PHF24: variants seen among roughly 807,000 people sequenced by gnomAD.
PHF24 encodes the protein Galpha inhibitory interacting protein.
In PHF24, 25 loss-of-function variants were observed where a neutral mutation model predicts 42.6. That is an observed-to-expected ratio of 0.59 (90% CI 0.43 to 0.82). The LOEUF (loss-of-function observed/expected upper bound fraction) is 0.82. Among genes scored for constraint, PHF24 ranks in the 40% least tolerant of loss-of-function variants. The pLI is 0.00. For missense variants in PHF24, 470 were observed against 538.1 expected (o/e 0.87, Z 1.25); for synonymous variants, 185 against 204.8 (o/e 0.90, Z 0.83).
chr9:34,912,666 C>T, the PHF24 span, among the ~76,000 whole-genome samples: 1 of 152,232 alleles, frequency 6.6e-6, no homozygotes, highest in Non-Finnish European at 1.5e-5. Context: ...TTTGGAACTA[C>T]TGCCCACAGA....
At chr9:34,832,825 C>A in the PHF24 span, 18 of 1,551,616 alleles carry the variant, frequency 1.2e-5, no homozygotes, top group African/African-American at 8.2e-5. Context: ...GCACCACAGT[C>A]TGGGTATTCT....
At chr9:34,795,963 C>T in the PHF24 span, among the ~76,000 whole-genome samples, 2 of 151,562 alleles carry the variant, frequency 1.3e-5, no homozygotes, top group African/African-American at 2.4e-5. Flanking sequence ...AATCATGTCA[C>T]TGCATTCCAG....
the PHF24 span, among the ~76,000 whole-genome samples, chr9:34,932,071 A>T: frequency 6.6e-6 from 1 of 152,172 alleles, no homozygotes; most frequent in Non-Finnish European, 1.5e-5. Flanking sequence ...CAACAGTGAG[A>T]ACCTGGGGCT....
chr9:34,752,018 C>T, the PHF24 span, among the ~76,000 whole-genome samples: 2 of 151,750 alleles, frequency 1.3e-5, no homozygotes, highest in Admixed American at 1.3e-4. Flanking sequence ...AATGGAAACA[C>T]AACATACCAA....
the PHF24 span, among the ~76,000 whole-genome samples, chr9:34,705,496 G>T: frequency 6.6e-6 from 1 of 152,110 alleles, no homozygotes; most frequent in African/African-American, 2.4e-5. Context: ...GTGTTGCCCA[G>T]GTTGGTCTCA....
intron 1 of PHF24, among the ~76,000 whole-genome samples, chr9:34,968,598 G>T (rs1336288350): frequency 1.3e-5 from 2 of 152,200 alleles, no homozygotes; most frequent in Admixed American, 6.5e-5. Context: ...TAGTGGCAAG[G>T]CAAGCACGTG....
At chr9:34,703,689 T>C in the PHF24 span, among the ~76,000 whole-genome samples, 1 of 140,700 alleles carries the variant, frequency 7.1e-6, no homozygotes, top group Non-Finnish European at 1.7e-5. Context: ...ATTCTTTTAT[T>C]CCTCTACTTT....
the PHF24 span, among the ~76,000 whole-genome samples, chr9:34,901,813 T>C: frequency 4.6e-5 from 7 of 152,352 alleles, no homozygotes; most frequent in African/African-American, 1.7e-4. Flanking sequence ...CTAGGTTTAG[T>C]AATGGTAGCT....
chr9:34,973,292 G>A (rs1280511540), intron 3 of PHF24, among the ~76,000 whole-genome samples: 1 of 152,146 alleles, frequency 6.6e-6, no homozygotes, highest in Non-Finnish European at 1.5e-5. Flanking sequence ...TTCTATCACA[G>A]GAAAACTTCC....
At chr9:34,888,596 A>G in the PHF24 span, among the ~76,000 whole-genome samples, 1 of 152,216 alleles carries the variant, frequency 6.6e-6, no homozygotes, top group Non-Finnish European at 1.5e-5. Context: ...AGATTCTATC[A>G]TCTGGTTTTG....
the PHF24 span, among the ~76,000 whole-genome samples, chr9:34,700,043 A>G: frequency 2.0e-5 from 3 of 152,188 alleles, no homozygotes; most frequent in African/African-American, 7.2e-5. Context: ...ATCCATGCAG[A>G]GGTCTGTGGG....
chr9:34,835,269 A>T, the PHF24 span: 1 of 1,539,784 alleles, frequency 6.5e-7, no homozygotes, highest in Non-Finnish European at 8.7e-7. Context: ...GAGACCTGAG[A>T]AGTATTATTC....
chr9:34,863,108 A>G, the PHF24 span, among the ~76,000 whole-genome samples: 1 of 151,980 alleles, frequency 6.6e-6, no homozygotes, highest in Non-Finnish European at 1.5e-5. Context: ...CAGCCACAGT[A>G]GAATAGAGCA....
chr9:34,875,976 TCTCTCTCTCTCA>T, the PHF24 span, among the ~76,000 whole-genome samples: 2 of 120,198 alleles, frequency 1.7e-5, no homozygotes, highest in African/African-American at 6.2e-5. Context: ...TCTCTCTCTC[TCTCTCTCTCTCA>T]CTCCTTCCAA....
the PHF24 span, among the ~76,000 whole-genome samples, chr9:34,721,444 T>G: frequency 6.6e-6 from 1 of 151,034 alleles, no homozygotes; most frequent in African/African-American, 2.5e-5. Flanking sequence ...GATGGAGTTT[T>G]GCTCTTGTCG....
At chr9:34,695,393 G>A in the PHF24 span, among the ~76,000 whole-genome samples, 5 of 152,130 alleles carry the variant, frequency 3.3e-5, no homozygotes, top group Admixed American at 2.0e-4. Flanking sequence ...CTTTCATCTG[G>A]CTGTTTATCT....
chr9:34,749,856 T>A, the PHF24 span, among the ~76,000 whole-genome samples: 1 of 150,540 alleles, frequency 6.6e-6, no homozygotes, highest in Non-Finnish European at 1.5e-5. Flanking sequence ...CAACATGTAA[T>A]GGAGCTCCAA....
chr9:34,823,438 TGTC>T, the PHF24 span, among the ~76,000 whole-genome samples: 1 of 152,104 alleles, frequency 6.6e-6, no homozygotes, highest in Non-Finnish European at 1.5e-5. Flanking sequence ...CATTTGTTAG[TGTC>T]AGATGGTGTC....
chr9:34,936,213 C>T, the PHF24 span, among the ~76,000 whole-genome samples: 2 of 152,150 alleles, frequency 1.3e-5, no homozygotes, highest in African/African-American at 2.4e-5. Context: ...CCATTGCAGG[C>T]GCGCGCCGCC....
Sources: gnomAD v4.1 joint callset for allele counts (sites outside exome capture counted in the v4.1 genomes callset) on GRCh38, gnomAD v4.1.1 for gene constraint, MANE v1.5 for transcripts, NCBI Gene and HGNC (gene_info 2026-07-23, HGNC 2026-07-21) for gene names.